The following BBOF1 variants were observed in gnomAD, a reference collection of about 807,000 sequenced individuals.
BBOF1 encodes basal body-orientation factor 1.
A neutral mutation model predicts 68.0 loss-of-function variants in BBOF1; 62 were observed. That is an observed-to-expected ratio of 0.91 (90% CI 0.74 to 1.13). BBOF1 has a LOEUF of 1.13. BBOF1 is among the 50% of genes most tolerant of loss of function. The pLI, the probability that BBOF1 is intolerant of heterozygous loss-of-function variation, is 0.00. For missense variants in BBOF1, 534 were observed against 600.1 expected (o/e 0.89, Z 1.15); for synonymous variants, 208 against 198.8 (o/e 1.05, Z -0.39).
At chr14:74,074,645 G>A (rs1212577660) in intron 9 of BBOF1, among the ~76,000 whole-genome samples, 2 of 152,056 alleles carry the variant, frequency 1.3e-5, no homozygotes, top group African/African-American at 4.8e-5. Flanking sequence ...AAGAATTTGA[G>A]CAATAGTCCT....
At chr14:74,059,420 G>C in intron 11 of BBOF1, 1 of 456,030 alleles carries the variant, frequency 2.2e-6, no homozygotes, top group Non-Finnish European at 4.4e-6. Flanking sequence ...ATCTGGCTGG[G>C]TGTGGTGGCT....
At chr14:74,020,669 A>T (rs1203735522) in intron 1 of BBOF1, among the ~76,000 whole-genome samples, 2 of 151,990 alleles carry the variant, frequency 1.3e-5, no homozygotes, top group Non-Finnish European at 2.9e-5. Context: ...ACGCCCAGCT[A>T]ATTTTTTTAT....
exon 10 of BBOF1, chr14:74,078,294 T>A (rs1437820096): frequency 2.2e-6 from 1 of 455,468 alleles, no homozygotes; most frequent in Non-Finnish European, 4.4e-6. Flanking sequence ...GCAAGCTCCA[T>A]GCAGGAAAAG....
At chr14:74,041,290 A>G (rs1415149742) in intron 5 of BBOF1, among the ~76,000 whole-genome samples, 1 of 152,084 alleles carries the variant, frequency 6.6e-6, no homozygotes, top group Admixed American at 6.6e-5. Flanking sequence ...GTGGTAGAGC[A>G]AGACTCCTTC....
chr14:74,040,854 T>G (rs182592509), intron 5 of BBOF1: 282 of 525,132 alleles, frequency 5.4e-4, no homozygotes, highest in African/African-American at 5.2e-3. Context: ...TCAGAGATTC[T>G]TGTCCTCTTC....
chr14:74,077,530 C>T (rs1178696614), intron 9 of BBOF1, among the ~76,000 whole-genome samples: 1 of 152,118 alleles, frequency 6.6e-6, no homozygotes, highest in Middle Eastern at 3.2e-3. Context: ...GGGAAGCAGA[C>T]CTGTGTGAAG....
At chr14:74,037,274 C>CTT (rs892262272) in intron 4 of BBOF1, among the ~76,000 whole-genome samples, 45 of 66,014 alleles carry the variant, frequency 6.8e-4, no homozygotes, top group Non-Finnish European at 9.8e-4. Flanking sequence ...CGCCTGGCCT[C>CTT]TTTTTTTTTT....
At chr14:74,062,800 C>T (rs1210422240) in intron 11 of BBOF1, among the ~76,000 whole-genome samples, 1 of 149,770 alleles carries the variant, frequency 6.7e-6, no homozygotes, top group Admixed American at 6.8e-5. Flanking sequence ...CAGCACATAG[C>T]TGGCACAGAA....
chr14:74,073,051 C>T (rs62005120), intron 9 of BBOF1, among the ~76,000 whole-genome samples: 15,439 of 152,266 alleles, frequency 0.1, 857 homozygotes, highest in South Asian at 0.18. Context: ...CCACCCACCT[C>T]GGCCTCCCAA....
intron 9 of BBOF1, chr14:74,072,455 C>T: frequency 6.2e-7 from 1 of 1,613,270 alleles, no homozygotes; most frequent in South Asian, 1.1e-5. Context: ...TGCTTTACAA[C>T]AGACACCCAG....
At chr14:74,047,696 C>T (rs1365325012) in intron 6 of BBOF1, among the ~76,000 whole-genome samples, 1 of 152,106 alleles carries the variant, frequency 6.6e-6, no homozygotes, top group East Asian at 1.9e-4. Context: ...GTCTCAGCCT[C>T]TCAAAGTGCT....
chr14:74,065,120 T>C lies in BBOF1; in HGVS notation c.*421T>C. 1.3e-6 allele frequency: 2 copies of C among 1,586,926 alleles called. No individual in the cohort carries two copies. The highest frequency in any genetic ancestry group is 1.7e-6 in the Non-Finnish European group (2 of 1,156,594). ...AAACCAATGACTCACCATTATTTAC[T>C]GTTTCCTCTTAGGAAATAGTAAATG... On this transcript the variant is annotated 3_prime_UTR_variant, in exon 12 of 12. Transcript: ENST00000394009.
intron 1 of BBOF1, among the ~76,000 whole-genome samples, chr14:74,020,763 C>G (rs2059266760): frequency 6.6e-6 from 1 of 152,148 alleles, no homozygotes; most frequent in African/African-American, 2.4e-5. Context: ...CTCGGCCTCC[C>G]AAAGTGCTGG....
chr14:74,033,326 G>C (rs2059619631), intron 3 of BBOF1, among the ~76,000 whole-genome samples: 1 of 152,170 alleles, frequency 6.6e-6, no homozygotes, highest in Non-Finnish European at 1.5e-5. Flanking sequence ...CCAGTACTTT[G>C]GGAGGCCAAA....
intron 7 of BBOF1, among the ~76,000 whole-genome samples, chr14:74,048,787 G>A (rs1417144558): frequency 6.6e-6 from 1 of 152,124 alleles, no homozygotes; most frequent in Non-Finnish European, 1.5e-5. Context: ...TATTACTATG[G>A]AGGAAAGGGA....
chr14:74,044,004 G>T (rs1311999211), intron 5 of BBOF1, among the ~76,000 whole-genome samples: 1 of 151,984 alleles, frequency 6.6e-6, no homozygotes, highest in Non-Finnish European at 1.5e-5. Flanking sequence ...CCAGCACTTT[G>T]GGAGGCCAAG....
At chr14:74,069,849 C>A (rs1358506610), downstream of BBOF1, among the ~76,000 whole-genome samples, 8 of 135,726 alleles carry the variant, frequency 5.9e-5, no homozygotes, top group African/African-American at 8.9e-5. Context: ...TCTAATCTAA[C>A]CTTTTTTTTT....
intron 7 of BBOF1, among the ~76,000 whole-genome samples, chr14:74,048,907 C>G (rs2060008227): frequency 6.6e-6 from 1 of 152,180 alleles, no homozygotes. Context: ...CGGAGTCTCA[C>G]TCTCACCCAG....
intron 9 of BBOF1, 40 bp downstream of exon 9, chr14:74,055,725 C>A (rs750606541): frequency 2.7e-6 from 4 of 1,460,402 alleles, no homozygotes; most frequent in South Asian, 2.3e-5. Context: ...AAGTTGTTAT[C>A]AAATCTAGAA....
Sources: allele counts gnomAD v4.1 joint callset (sites outside exome capture counted in the v4.1 genomes callset), GRCh38; gene constraint gnomAD v4.1.1; transcripts MANE v1.5; gene names NCBI Gene and HGNC (gene_info 2026-07-23, HGNC 2026-07-21).